The following USP25 variants were observed in gnomAD, a reference collection of about 807,000 sequenced individuals.
USP25 encodes the protein ubiquitin specific peptidase 25, also known as ubiquitin carboxyl-terminal hydrolase 25.
USP25 carries 85 observed loss-of-function variants against 158.5 expected under a neutral mutation model. That is an observed-to-expected ratio of 0.54 (90% CI 0.45 to 0.64). The LOEUF (loss-of-function observed/expected upper bound fraction) is 0.64, where lower values mean the gene tolerates loss of function less well. Ranked by LOEUF, USP25 falls within the 30% of genes least tolerant of loss-of-function variation. USP25 has a pLI of 0.00. For synonymous variants in USP25, 464 were observed against 460.4 expected (o/e 1.01, Z -0.10); for missense variants, 1,242 against 1,327.3 (o/e 0.94, Z 1.00).
chr21:15,846,122 G>GTATATATATA (rs34210530), intron 18 of USP25, among the ~76,000 whole-genome samples: 10 of 55,712 alleles, frequency 1.8e-4, no homozygotes, highest in Admixed American at 3.4e-4. Flanking sequence ...GTGTGTGTGT[G>GTATATATATA]TATATATATA....
intron 7 of USP25, among the ~76,000 whole-genome samples, chr21:15,807,600 T>G (rs1436214844): frequency 1.3e-5 from 2 of 152,202 alleles, no homozygotes; most frequent in Non-Finnish European, 1.5e-5. Context: ...CTCTGGTGGC[T>G]GTTGGTGTTC....
intron 1 of USP25, among the ~76,000 whole-genome samples, chr21:15,739,099 TGAG>T (rs1308755447): frequency 1.3e-5 from 2 of 152,228 alleles, no homozygotes; most frequent in African/African-American, 2.4e-5. Flanking sequence ...AACTCGGTTC[TGAG>T]GAGTTTTGTC....
intron 1 of USP25, among the ~76,000 whole-genome samples, chr21:15,730,740 G>A (rs1445115772): frequency 2.6e-5 from 4 of 152,220 alleles, no homozygotes; most frequent in African/African-American, 9.6e-5. Flanking sequence ...GCATCTTAAT[G>A]AAACTTTATT....
chr21:15,845,554 T>C (rs1457480870), intron 18 of USP25, among the ~76,000 whole-genome samples: 1 of 152,192 alleles, frequency 6.6e-6, no homozygotes, highest in African/African-American at 2.4e-5. Context: ...AATTCTTCAA[T>C]AGTAACTGAA....
intron 3 of USP25, among the ~76,000 whole-genome samples, chr21:15,774,203 A>G (rs563317365): frequency 2.0e-4 from 31 of 152,314 alleles, no homozygotes; most frequent in African/African-American, 7.2e-4. Flanking sequence ...ATTAAAATCC[A>G]TTAGTGTTTC....
chr21:15,868,982 T>TGTGGTG (rs2039771433), intron 22 of USP25, among the ~76,000 whole-genome samples: 2 of 152,200 alleles, frequency 1.3e-5, no homozygotes, highest in African/African-American at 4.8e-5. Context: ...TGGTGGCTCA[T>TGTGGTG]GCTTATAATC....
intron 12 of USP25, among the ~76,000 whole-genome samples, 192 bp downstream of exon 12, chr21:15,825,253 T>G (rs2037445177): frequency 1.3e-5 from 2 of 152,202 alleles, no homozygotes; most frequent in South Asian, 4.1e-4. Flanking sequence ...GTGTTTAAAA[T>G]TAAATATCTC....
Position 15,860,045 on chromosome 21 carries a change from A to G in USP25, c.2548-4223A>G, listed in dbSNP as rs144325435. Among the ~76,000 whole-genome samples the G allele has an allele frequency of 9.9e-3, 1,458 of 147,750 alleles. 18 individuals are homozygous for G. The highest frequency in any genetic ancestry group is 0.035 in the African/African-American group (1,394 of 39,892). The stretch of plus-strand genomic sequence containing the variant: ...GCTCTGTCGCCTAGGCTAGAATGCA[A>G]TGGCACAGTATCGGCTCACTGCAAC... On this transcript the variant is annotated intron_variant, in intron 20 of 25. Coordinates refer to ENST00000400183, the MANE Select transcript of USP25 (RefSeq NM_001283041.3).
Position 15,781,423 on chromosome 21 carries a change from G to A in USP25, c.392+3396G>A, listed in dbSNP as rs138021678. ...GTTCATCTCATTGAAGAACACATTA[G>A]AGCACTCATCCATCACAATGGCTAA... On this transcript the variant is annotated intron_variant, in intron 4 of 25. Coordinates refer to ENST00000400183, the MANE Select transcript of USP25 (RefSeq NM_001283041.3). Among the ~76,000 whole-genome samples the A allele has an allele frequency of 2.3e-3, 354 of 152,290 alleles. 3 individuals carry two copies. The highest frequency in any genetic ancestry group is 8.0e-3 in the African/African-American group (334 of 41,560).
In USP25 at chr21:15,851,058, C is replaced by T. The variant is rs565606184; in HGVS notation, c.2547+1186C>T. Among the ~76,000 whole-genome samples the T allele has an allele frequency of 1.4e-4, 21 of 151,570 alleles. No homozygotes were observed. In the South Asian group the frequency reaches 3.5e-3, roughly 26 times the overall value. On this transcript the variant is annotated intron_variant, in intron 20 of 25. Coordinates refer to ENST00000400183, the MANE Select transcript of USP25 (RefSeq NM_001283041.3). ...AGTTTCTAGGTTTCTAACTGGCTTC[C>T]TAATTTTTACCATTAGAAATTCCTT...
chr21:15,830,172 A>G (rs2146383302), intron 14 of USP25, among the ~76,000 whole-genome samples: 1 of 152,264 alleles, frequency 6.6e-6, no homozygotes, highest in Admixed American at 6.5e-5. Flanking sequence ...TATGTGGTGA[A>G]CATGTTTTAC....
intron 1 of USP25, among the ~76,000 whole-genome samples, chr21:15,749,120 T>C (rs2032796820): frequency 6.6e-6 from 1 of 152,172 alleles, no homozygotes; most frequent in South Asian, 2.1e-4. Flanking sequence ...ATACACTTGC[T>C]GTGAATAAGA....
Position 15,879,113 on chromosome 21 carries a change from C to T in USP25, c.*638C>T, listed in dbSNP as rs1208491206. 1 of 152,486 alleles carries T rather than the reference C, an allele frequency of 6.6e-6. No individual in the cohort carries two copies. The highest frequency in any genetic ancestry group is 1.5e-5 in the Non-Finnish European group (1 of 68,008). 9.4% of individuals were successfully genotyped at this position (152,486 alleles called of 1,614,324 possible). ...AACAAAGTTCTTGAACTTAGTATGGCACCGGAACCTGTTTTGAATTCAGTC... is the reference window on the plus strand; with the variant it reads ...AACAAAGTTCTTGAACTTAGTATGGTACCGGAACCTGTTTTGAATTCAGTC... On this transcript the variant is annotated 3_prime_UTR_variant, in exon 26 of 26. Transcript: ENST00000400183.
chr21:15,861,197 CAT>C (rs1017494805), intron 20 of USP25, among the ~76,000 whole-genome samples: 19 of 151,914 alleles, frequency 1.3e-4, no homozygotes, highest in African/African-American at 4.6e-4. Flanking sequence ...GGATATCACA[CAT>C]ATGGAGAACT....
chr21:15,834,180 A>G (rs777959819), intron 17 of USP25, among the ~76,000 whole-genome samples: 2 of 152,236 alleles, frequency 1.3e-5, no homozygotes, highest in South Asian at 2.1e-4. Flanking sequence ...GAAATGAACT[A>G]TTAGCTGATG....
intron 10 of USP25, among the ~76,000 whole-genome samples, chr21:15,819,219 T>C (rs568930053): frequency 6.0e-4 from 92 of 152,356 alleles, no homozygotes; most frequent in African/African-American, 2.1e-3. Flanking sequence ...TCAACTGTTA[T>C]TGGAATTTGT....
rs1334477718 is a variant in USP25 at position 15,878,980 on chromosome 21, G to T, written c.*505G>T. ...ACTAGATAAATGAATTTTGTCTGGG[G>T]ATTAAGATTGGATAGTTAATAGATT... On this transcript the variant is annotated 3_prime_UTR_variant, in exon 26 of 26. Coordinates refer to ENST00000400183, the MANE Select transcript of USP25 (RefSeq NM_001283041.3). The T allele has an allele frequency of 2.0e-5, 3 of 152,566 alleles. No homozygotes were observed. The East Asian group carries it at 5.8e-4, about 29-fold the overall frequency. The allele number at this position is 152,566 out of a possible 1,614,324, so 9.5% of individuals were successfully genotyped here.
At chr21:15,838,584 A>G (rs2038174497) in intron 17 of USP25, among the ~76,000 whole-genome samples, 2 of 152,128 alleles carry the variant, frequency 1.3e-5, no homozygotes, top group Admixed American at 1.3e-4. Flanking sequence ...CTATGCAACC[A>G]CCTAAGCGTG....
chr21:15,831,668 A>T, intron 16 of USP25, 39 bp downstream of exon 16: 1 of 1,557,192 alleles, frequency 6.4e-7, no homozygotes, highest in Non-Finnish European at 8.8e-7. Flanking sequence ...TTAAATAGTC[A>T]TAAAAGTGGC....
Sources: gnomAD v4.1 joint callset for allele counts (sites outside exome capture counted in the v4.1 genomes callset) on GRCh38, gnomAD v4.1.1 for gene constraint, MANE v1.5 for transcripts, NCBI Gene and HGNC (gene_info 2026-07-23, HGNC 2026-07-21) for gene names.